UPF1: variants seen among roughly 807,000 people sequenced by gnomAD.
UPF1 encodes the protein regulator of nonsense transcripts 1.
A neutral mutation model predicts 129.2 loss-of-function variants in UPF1; 9 were observed. That is an observed-to-expected ratio of 0.07 (90% confidence interval 0.04 to 0.12). The LOEUF is 0.12. Among genes scored for constraint, UPF1 ranks in the 10% least tolerant of loss-of-function variants. The probability of loss-of-function intolerance (pLI) is 1.00; values close to 1 mark genes in which losing one functional copy is unlikely to be tolerated. For synonymous variants in UPF1, 649 were observed against 644.9 expected (o/e 1.01, Z -0.10); for missense variants, 788 against 1,525.3 (o/e 0.52, Z 8.05).
intron 19 of UPF1, 65 bp from the exon 20 acceptor site, chr19:18,864,105 G>A (rs574144096): frequency 2.8e-5 from 41 of 1,469,762 alleles, no homozygotes; most frequent in East Asian, 2.7e-4. Context: ...CCAGGCCACC[G>A]GGCCCGTGGG....
Position 18,855,475 on chromosome 19 carries a change from G to C in UPF1, c.1544+233G>C, listed in dbSNP as rs539041460. The C allele has an allele frequency of 1.4e-4, 84 of 600,986 alleles. 1 individual carries two copies. The South Asian group carries it at 1.6e-3, about 11-fold the overall frequency. 37.2% of individuals were successfully genotyped at this position (600,986 alleles called of 1,614,324 possible). A position where few individuals can be genotyped will look rare whatever the true frequency, so the allele number is the denominator to read the frequency against. On this transcript the variant is annotated intron_variant, in intron 11 of 23. Transcript: ENST00000262803. ...GGTTTAGAAAACTGGGGGCAGGGGG[G>C]GCATGGCTGCAGCAGCGTGAGTTCC... is the stretch of plus-strand genomic sequence containing the variant.
At position 18,832,457 on chromosome 19, in the gene UPF1, G is replaced by A. The variant is rs2055437952; in HGVS notation, c.231+17G>A. The stretch of plus-strand genomic sequence containing the variant: ...GACGCGCAGGTGAGCGGCACATGGC[G>A]GTGCCGGAAGCCCGGGCCCGGCCTC... On this transcript the variant is annotated intron_variant, in intron 1 of 23. Transcript: ENST00000262803. The surrounding 1 kb of genome is among the most constrained non-coding windows in gnomAD (Gnocchi z 5.6). The A allele has an allele frequency of 1.0e-6, 1 of 997,408 alleles. No individual in the cohort carries two copies. The highest frequency in any genetic ancestry group is 1.2e-6 in the Non-Finnish European group (1 of 837,972). 61.8% of individuals were successfully genotyped at this position (997,408 alleles called of 1,614,324 possible).
intron 1 of UPF1, among the ~76,000 whole-genome samples, chr19:18,839,307 T>C (rs1188951815): frequency 2.0e-5 from 3 of 152,216 alleles, no homozygotes; most frequent in Non-Finnish European, 4.4e-5. Flanking sequence ...TTGGCCAGGC[T>C]GGTCTGGAGC....
At position 18,853,377 on chromosome 19, in the gene UPF1, C is replaced by T. The variant is rs1259806960; in HGVS notation, c.1156+27C>T. 7 of 1,571,330 alleles carry T rather than the reference C, an allele frequency of 4.5e-6. No homozygotes were observed. Among genetic ancestry groups the T allele is most frequent in the Non-Finnish European group, 5.2e-6 (6 of 1,158,456 alleles). ...TATCCTTCATGTGAAGAGGGTGTGG[C>T]CGGCTGGTGGGAGAGGAAAGTGGGG... is the stretch of plus-strand genomic sequence containing the variant. On this transcript the variant is annotated intron_variant, in intron 8 of 23. Transcript: ENST00000262803. This position sits in a 1 kb window ranked among gnomAD's most constrained non-coding sequence, Gnocchi z 4.4.
Position 18,846,036 on chromosome 19 carries a change from C to T in UPF1, c.288C>T (p.Thr96=), listed in dbSNP as rs535516696. The T allele has an allele frequency of 5.0e-6, 8 of 1,614,186 alleles. No individual in the cohort carries two copies. The African/African-American group carries it at 6.7e-5, about 13-fold the overall frequency. Residue 96 remains threonine (T), a synonymous_variant, in exon 2 of 24, where the codon ACC becomes ACT. Coordinates refer to ENST00000262803, the MANE Select transcript of UPF1 (RefSeq NM_002911.4). ...CTGTGGACGACAGTGTAGCCAAGAC[C>T]AGCCAGTTGTTGGCTGAGTTGAACT... ...NGAVDDSVAK[T]SQLLAELNFE...
At chr19:18,862,642 C>T (rs554353395) in intron 18 of UPF1, among the ~76,000 whole-genome samples, 118 of 152,188 alleles carry the variant, frequency 7.8e-4, no homozygotes, top group African/African-American at 2.7e-3. Context: ...TCTCGACCAG[C>T]CTAACATGGT....
rs996095611 is a variant in UPF1 at position 18,851,309 on chromosome 19, G to A, written c.810+441G>A. ...GGAGAGGGTGCCGGGTCAAGTAGTGGGTGCCTGGCCCTCCTTCCACAGACA... is the reference window on the plus strand; with the variant it reads ...GGAGAGGGTGCCGGGTCAAGTAGTGAGTGCCTGGCCCTCCTTCCACAGACA... On this transcript the variant is annotated intron_variant, in intron 5 of 23. Coordinates refer to ENST00000262803, the MANE Select transcript of UPF1 (RefSeq NM_002911.4). The surrounding 1 kb of genome is among the most constrained non-coding windows in gnomAD (Gnocchi z 4.2). Among the ~76,000 whole-genome samples, 4 of 152,152 alleles carry A rather than the reference G, an allele frequency of 2.6e-5. No individual in the cohort carries two copies. The highest frequency in any genetic ancestry group is 7.2e-5 in the African/African-American group (3 of 41,426).
At chr19:18,848,606 C>T (rs942957490) in intron 3 of UPF1, among the ~76,000 whole-genome samples, 6 of 151,684 alleles carry the variant, frequency 4.0e-5, no homozygotes, top group African/African-American at 1.2e-4. Flanking sequence ...GACCAAAGCC[C>T]GGAGGCAGGC....
In UPF1 at chr19:18,864,211, G is replaced by A. The variant is rs954925896; in HGVS notation, c.2817G>A (p.Glu939=). The change falls in exon 20 of 24, where the codon GAG becomes GAA. Residue 939 remains glutamate, a synonymous_variant. Transcript: ENST00000262803. The part of the protein sequence containing the change: ...FMTTAMYDAR[E]AIIPGSVYDR... Reference sequence around the variant, plus strand: ...CCACAGCCATGTATGATGCCCGGGAGGCCATCATCCCAGGCTCCGTCTATG... The same window carrying A: ...CCACAGCCATGTATGATGCCCGGGAAGCCATCATCCCAGGCTCCGTCTATG... 1 of 1,613,762 alleles carries A rather than the reference G, an allele frequency of 6.2e-7. No homozygotes were observed. Among genetic ancestry groups the A allele is most frequent in the Non-Finnish European group, 8.5e-7 (1 of 1,179,864 alleles).
chr19:18,836,881 G>A (rs1034498981), intron 1 of UPF1, among the ~76,000 whole-genome samples: 1 of 151,572 alleles, frequency 6.6e-6, no homozygotes, highest in African/African-American at 2.4e-5. Flanking sequence ...AGCCTCTCGA[G>A]TAGCTGGGAC....
chr19:18,863,347 G>T, intron 18 of UPF1, 91 bp from the exon 19 acceptor site: 1 of 1,519,512 alleles, frequency 6.6e-7, no homozygotes, highest in Non-Finnish European at 9.0e-7. Context: ...CTTGGATTTG[G>T]GTTCTGAGTG....
chr19:18,833,724 G>C (rs1165196648), intron 1 of UPF1, among the ~76,000 whole-genome samples: 1 of 152,126 alleles, frequency 6.6e-6, no homozygotes, highest in Non-Finnish European at 1.5e-5. Flanking sequence ...GGCTTACCTT[G>C]GCACAGGTGT....
At chr19:18,843,002 T>C (rs913152726) in intron 1 of UPF1, among the ~76,000 whole-genome samples, 1 of 151,494 alleles carries the variant, frequency 6.6e-6, no homozygotes, top group African/African-American at 2.4e-5. Context: ...AAAAAAAAAA[T>C]TTAAATAGAG....
At position 18,862,201 on chromosome 19, in the gene UPF1, C is replaced by G. The variant is rs770956557; in HGVS notation, c.2600+49C>G. On this transcript the variant is annotated intron_variant, in intron 18 of 23. Transcript: ENST00000262803. ...CTGCCCAGCCGCTCATCGGTCCTCACTTCCCAGGGAATTTGGGGCTAGGGT... is the reference window on the plus strand; with the variant it reads ...CTGCCCAGCCGCTCATCGGTCCTCAGTTCCCAGGGAATTTGGGGCTAGGGT... The G allele has an allele frequency of 3.8e-6, 6 of 1,598,472 alleles. No homozygotes were observed. In the African/African-American group the frequency reaches 4.0e-5, roughly 11 times the overall value.
intron 1 of UPF1, among the ~76,000 whole-genome samples, chr19:18,839,333 A>G (rs563139133): frequency 2.6e-5 from 4 of 152,154 alleles, no homozygotes; most frequent in Non-Finnish European, 5.9e-5. Flanking sequence ...ACCTCAGGTG[A>G]TCTGCCCACC....
intron 9 of UPF1, 23 bp downstream of exon 9, chr19:18,854,732 C>A (rs200072484): frequency 3.7e-6 from 6 of 1,610,200 alleles, no homozygotes; most frequent in African/African-American, 1.3e-5. Flanking sequence ...CCATCACTGC[C>A]CCCTGTTCCC....
At chr19:18,840,324 G>T (rs1248376492) in intron 1 of UPF1, among the ~76,000 whole-genome samples, 1 of 152,204 alleles carries the variant, frequency 6.6e-6, no homozygotes, top group Admixed American at 6.5e-5. Context: ...GGGAGCCACA[G>T]ACTTAAAAAG....
At chr19:18,833,420 G>A (rs1250217738) in intron 1 of UPF1, 1 of 152,138 alleles carries the variant, frequency 6.6e-6, no homozygotes, top group Admixed American at 6.5e-5. Context: ...ACATAAACGA[G>A]TCTGCCACGT....
chr19:18,863,792 A>G (rs2055808864), intron 19 of UPF1, among the ~76,000 whole-genome samples, 180 bp downstream of exon 19: 1 of 151,492 alleles, frequency 6.6e-6, no homozygotes, highest in Non-Finnish European at 1.5e-5. Flanking sequence ...CGTGTGTGGC[A>G]TTTTTGGCTT....
Sources: allele counts gnomAD v4.1 joint callset (sites outside exome capture counted in the v4.1 genomes callset), GRCh38; gene constraint gnomAD v4.1.1; non-coding constraint Gnocchi (gnomAD v3.1); transcripts MANE v1.5; gene names NCBI Gene and HGNC (gene_info 2026-07-23, HGNC 2026-07-21).